Variants in SYT3 observed in about 807,000 individuals in gnomAD.
SYT3 encodes the protein synaptotagmin 3.
In SYT3, 25 loss-of-function variants were observed where a neutral mutation model predicts 50.6. The observed-to-expected ratio is 0.49, with a 90% CI of 0.36 to 0.69. The LOEUF (loss-of-function observed/expected upper bound fraction) is 0.69. Among genes scored for constraint, SYT3 ranks in the 30% least tolerant of loss-of-function variants. SYT3 has a pLI of 0.00. For synonymous variants in SYT3, 323 were observed against 353.9 expected, an observed-to-expected ratio of 0.91 and a Z score of 0.98; for missense variants, 589 against 793.6, an observed-to-expected ratio of 0.74 and a Z score of 3.10.
chr19:50,649,231 G>A, the SYT3 span, among the ~76,000 whole-genome samples: 3 of 151,956 alleles, frequency 2.0e-5, no homozygotes, highest in Non-Finnish European at 4.4e-5. Context: ...CAGGGAAATG[G>A]GAAAGAAGGG....
At chr19:50,639,953 A>C (rs1363683497), upstream of SYT3, 3 of 153,320 alleles carry the variant, frequency 2.0e-5, no homozygotes, top group Non-Finnish European at 4.4e-5. This position sits in a 1 kb window ranked among gnomAD's most constrained non-coding sequence, Gnocchi z 4.6. Flanking sequence ...AGAAAGCCGA[A>C]ATCACTTGGC....
upstream of SYT3, among the ~76,000 whole-genome samples, chr19:50,642,075 C>T (rs556782394): frequency 5.9e-5 from 9 of 152,266 alleles, 1 homozygote; most frequent in East Asian, 1.4e-3. Flanking sequence ...AGAAATGCCT[C>T]CCAGGTTTGC....
At chr19:50,636,801 C>T (rs1984509405) in intron 3 of SYT3, among the ~76,000 whole-genome samples, 2 of 152,208 alleles carry the variant, frequency 1.3e-5, no homozygotes, top group South Asian at 2.1e-4. Flanking sequence ...CAGCATTGTT[C>T]TAAGTTCTTC....
In SYT3 at chr19:50,625,881, G is replaced by A. The variant is rs1370188817; in HGVS notation, c.1402+16C>T. ...CCAGGCCCCCAGCCCTCCTCCCTCA[G>A]ACCCAGGACCCTCACCTGAGAAGCC... On this transcript the variant is annotated intron_variant, in intron 7 of 10. Transcript: ENST00000600079. The surrounding 1 kb of genome is among the most constrained non-coding windows in gnomAD (Gnocchi z 7.5). 3 of 1,611,286 alleles carry A rather than the reference G, an allele frequency of 1.9e-6. No individual in the cohort carries two copies. The South Asian group carries it at 3.3e-5, about 18-fold the overall frequency.
At chr19:50,628,856 C>G (rs1984171258) in intron 6 of SYT3, among the ~76,000 whole-genome samples, 2 of 147,002 alleles carry the variant, frequency 1.4e-5, no homozygotes, top group South Asian at 4.3e-4. Context: ...CGGAGTTTCG[C>G]TCTTGTTGCC....
At chr19:50,657,062 A>C in the SYT3 span, among the ~76,000 whole-genome samples, 1 of 152,172 alleles carries the variant, frequency 6.6e-6, no homozygotes, top group Admixed American at 6.5e-5. Flanking sequence ...TGTTTTTGAC[A>C]GATTCAGTAA....
the SYT3 span, among the ~76,000 whole-genome samples, chr19:50,653,974 G>C: frequency 2.0e-5 from 3 of 152,006 alleles, no homozygotes; most frequent in East Asian, 5.8e-4. Flanking sequence ...GGGAGGGGGG[G>C]ATTTTGGTCA....
chr19:50,649,732 T>C, the SYT3 span: 1 of 663,984 alleles, frequency 1.5e-6, no homozygotes, highest in South Asian at 1.5e-5. Context: ...TGCCCTGGAC[T>C]CAGAACTACA....
At chr19:50,647,609 G>A in the SYT3 span, among the ~76,000 whole-genome samples, 1 of 152,090 alleles carries the variant, frequency 6.6e-6, no homozygotes, top group African/African-American at 2.4e-5. Flanking sequence ...GAGCCTGGGA[G>A]GTCAAGGCTG....
At chr19:50,623,225 G>A (rs1327347139) in intron 9 of SYT3, among the ~76,000 whole-genome samples, 1 of 152,080 alleles carries the variant, frequency 6.6e-6, no homozygotes. Context: ...CTCCTGGGAA[G>A]GTTGGTGGGA....
the SYT3 span, chr19:50,649,512 G>T: frequency 1.3e-6 from 2 of 1,536,140 alleles, no homozygotes; most frequent in Non-Finnish European, 1.7e-6. Flanking sequence ...AGGAAGGCAG[G>T]TACTGAGCTG....
Position 50,632,556 on chromosome 19 carries a change from T to C in SYT3, c.404A>G (p.His135Arg), listed in dbSNP as rs370189724. ...PLLGGPHHHA[H>R]AAHHPPFAEL... The stretch of plus-strand genomic sequence containing the variant: ...AGCAAAGGGTGGATGGTGGGCGGCA[T>C]GGGCATGGTGGTGTGGGCCGCCCAG... Residue 135 changes from histidine (H) to arginine (R), a missense_variant, in exon 4 of 11, where the codon CAT becomes CGT. By Grantham distance (29) the His-to-Arg change is conservative. Coordinates refer to ENST00000600079, the MANE Select transcript of SYT3 (RefSeq NM_001160329.2). This position sits in a 1 kb window ranked among gnomAD's most constrained non-coding sequence, Gnocchi z 4.7. The C allele has an allele frequency of 1.7e-5, 27 of 1,596,644 alleles. No individual in the cohort carries two copies. The highest frequency in any genetic ancestry group is 1.7e-4 in the Middle Eastern group (1 of 6,050).
At chr19:50,635,489 G>T (rs1213443312) in intron 3 of SYT3, among the ~76,000 whole-genome samples, 1 of 152,212 alleles carries the variant, frequency 6.6e-6, no homozygotes, top group South Asian at 2.1e-4. Flanking sequence ...TTGCGCAGTA[G>T]AAGATTCACC....
At chr19:50,629,187 G>A (rs1984183185) in intron 6 of SYT3, 107 bp downstream of exon 6, 1 of 870,550 alleles carries the variant, frequency 1.1e-6, no homozygotes, top group Non-Finnish European at 1.7e-6. Flanking sequence ...ACAGAAAAAT[G>A]TGGGGACAAG....
At chr19:50,628,195 G>C (rs1176801768) in intron 6 of SYT3, among the ~76,000 whole-genome samples, 3 of 152,258 alleles carry the variant, frequency 2.0e-5, no homozygotes, top group African/African-American at 4.8e-5. Context: ...GATTGGCAGA[G>C]AACTGGAATG....
chr19:50,655,204 G>C, the SYT3 span, among the ~76,000 whole-genome samples: 1 of 152,106 alleles, frequency 6.6e-6, no homozygotes, highest in Non-Finnish European at 1.5e-5. Context: ...AGGATTGTAG[G>C]GGAAGGGGAA....
At chr19:50,649,588 T>A in the SYT3 span, 1 of 1,462,552 alleles carries the variant, frequency 6.8e-7, no homozygotes, top group Non-Finnish European at 9.3e-7. Context: ...GCTCACAGTG[T>A]GGCCTTAAGC....
chr19:50,631,455 C>T (rs151233711), intron 4 of SYT3, among the ~76,000 whole-genome samples: 3 of 152,144 alleles, frequency 2.0e-5, no homozygotes, highest in Non-Finnish European at 4.4e-5. Flanking sequence ...TGAGCCACTG[C>T]GCCCAGCCTG....
At position 50,630,140 on chromosome 19, in the gene SYT3, G is replaced by T; in HGVS notation, c.706C>A (p.Gln236Lys). 1.9e-6 allele frequency: 3 copies of T among 1,589,372 alleles called. No individual in the cohort carries two copies. The highest frequency in any genetic ancestry group is 1.3e-5 in the African/African-American group (1 of 74,544). The change falls in exon 5 of 11, where the codon CAG (glutamine) becomes AAG (lysine). Residue 236 changes from glutamine to lysine, a missense_variant. By Grantham distance (53) the Gln-to-Lys change is moderately conservative. Transcript: ENST00000600079. ...GGGTCCGGCTGGGAGGTCAGAGTCT[G>T]CTGGGTGAGGGGTCGGGGCAGGGCT... The part of the protein sequence containing the change: ...YPALPRPLTQ[Q>K]TLTSQPDPSS...
Sources: gnomAD v4.1 joint callset for allele counts (sites outside exome capture counted in the v4.1 genomes callset) on GRCh38, gnomAD v4.1.1 for gene constraint, Gnocchi (gnomAD v3.1) non-coding constraint, MANE v1.5 for transcripts, NCBI Gene and HGNC (gene_info 2026-07-23, HGNC 2026-07-21) for gene names.